The following SCARA5 variants were observed in gnomAD, a reference collection of about 807,000 sequenced individuals.
SCARA5 encodes scavenger receptor class A member 5.
Under a neutral mutation model 46.3 loss-of-function variants are expected in SCARA5, and 45 were observed. The observed-to-expected ratio is 0.97, with a 90% CI of 0.76 to 1.24. SCARA5 has a LOEUF of 1.24. Ranked by LOEUF, SCARA5 falls within the 50% of genes most tolerant of loss-of-function variation. The probability of loss-of-function intolerance (pLI) is 0.00; values close to 1 mark genes in which losing one functional copy is unlikely to be tolerated. For synonymous variants in SCARA5, 333 were observed against 306.5 expected, an observed-to-expected ratio of 1.09 and a Z score of -0.90; for missense variants, 680 against 689.0, an observed-to-expected ratio of 0.99 and a Z score of 0.15.
At chr8:27,892,628 G>A (rs1485526952) in intron 7 of SCARA5, among the ~76,000 whole-genome samples, 3 of 35,262 alleles carry the variant, frequency 8.5e-5, no homozygotes, top group Non-Finnish European at 1.8e-4. Context: ...TTTTTTTTTT[G>A]AGACGGAGTC....
At chr8:27,933,885 A>T (rs542517367) in intron 3 of SCARA5, among the ~76,000 whole-genome samples, 1 of 152,306 alleles carries the variant, frequency 6.6e-6, no homozygotes, top group East Asian at 1.9e-4. Flanking sequence ...AATGCTTATG[A>T]AATAGTAAGT....
intron 3 of SCARA5, among the ~76,000 whole-genome samples, chr8:27,965,851 G>A (rs1808360862): frequency 6.6e-6 from 1 of 152,214 alleles, no homozygotes; most frequent in African/African-American, 2.4e-5. Flanking sequence ...ACAGGCTCCT[G>A]TTCCATCCCT....
At position 27,885,195 on chromosome 8, in the gene SCARA5, G is replaced by A. The variant is rs1407046279; in HGVS notation, c.1154-5429C>T. Among the ~76,000 whole-genome samples, 27 of 152,318 alleles carry A rather than the reference G, an allele frequency of 1.8e-4. 2 individuals carry two copies. The highest frequency in any genetic ancestry group is 1.6e-3 in the Admixed American group (24 of 15,304). On this transcript the variant is annotated intron_variant, in intron 7 of 8. Transcript: ENST00000354914. ...GAACAAGGAAGAGGGTGGGGAGTGA[G>A]AGCAGGTGCCATTTTGGACGAGTAG...
chr8:27,874,434 G>A (rs1806691278), intron 8 of SCARA5, among the ~76,000 whole-genome samples: 1 of 152,224 alleles, frequency 6.6e-6, no homozygotes, highest in Non-Finnish European at 1.5e-5. Context: ...CACTCAGCCA[G>A]AGGACGGCAA....
intron 3 of SCARA5, among the ~76,000 whole-genome samples, chr8:27,947,832 G>A (rs528560336): frequency 1.0e-3 from 159 of 152,074 alleles, no homozygotes; most frequent in Middle Eastern, 3.2e-3. Flanking sequence ...CTGAGATCAC[G>A]CCACTGTACT....
chr8:27,889,875 T>G (rs927858953), intron 7 of SCARA5, among the ~76,000 whole-genome samples: 1 of 152,220 alleles, frequency 6.6e-6, no homozygotes, highest in African/African-American at 2.4e-5. Context: ...TAATATTTGT[T>G]GAAGTCCGGG....
intron 1 of SCARA5, among the ~76,000 whole-genome samples, chr8:27,989,363 A>C (rs1808754074): frequency 6.6e-6 from 1 of 151,940 alleles, no homozygotes; most frequent in Non-Finnish European, 1.5e-5. Flanking sequence ...CCTGGAGTCA[A>C]GCGCTCCACT....
chr8:27,896,476 C>G (rs1405220644), intron 7 of SCARA5, among the ~76,000 whole-genome samples: 1 of 152,022 alleles, frequency 6.6e-6, no homozygotes, highest in East Asian at 1.9e-4. Flanking sequence ...ACTCTAGGAC[C>G]TTGGGTGAGG....
chr8:27,936,836 G>A (rs1310463416), intron 3 of SCARA5, among the ~76,000 whole-genome samples: 4 of 152,140 alleles, frequency 2.6e-5, no homozygotes, highest in Non-Finnish European at 1.5e-5. Context: ...TTATTACTGT[G>A]CCCAGAGGCG....
chr8:27,879,623 T>G lies in SCARA5; in HGVS notation c.1297A>C (p.Met433Leu). Residue 433 changes from methionine (M) to leucine (L), a missense_variant, in exon 8 of 9, where the codon ATG (methionine) becomes CTG (leucine). Transcript: ENST00000354914. ...DKKDGDVVCR[M>L]LGFRGVEEVY... ...TCCTCCACACCGCGGAAGCCGAGCATGCGGCACACCACGTCTCCGTCCTTC... is the reference window on the plus strand; with the variant it reads ...TCCTCCACACCGCGGAAGCCGAGCAGGCGGCACACCACGTCTCCGTCCTTC... The G allele has an allele frequency of 6.2e-7, 1 of 1,611,934 alleles. No individual in the cohort carries two copies. The highest frequency in any genetic ancestry group is 8.5e-7 in the Non-Finnish European group (1 of 1,179,998).
Position 27,921,987 on chromosome 8 carries a change from A to G in SCARA5, c.500T>C (p.Val167Ala). The change falls in exon 4 of 9, where the codon GTG (valine) becomes GCG (alanine). Residue 167 changes from valine (V) to alanine (A), a missense_variant. By Grantham distance (64) the Val-to-Ala change is moderately conservative (BLOSUM62 0). Around this residue, in one of 3 missense-constraint regions of SCARA5, gnomAD observed 438 missense variants for 384.5 expected, o/e 1.14. Transcript: ENST00000354914. ...GCCCGTGCGGTCCCGCAGCAGGGCC[A>G]CCGCCTGCTCGGTCTGCACCGCCTG... Reference protein sequence around the residue: ...QAQAVQTEQAVALLRDRTGQQ... With the variant: ...QAQAVQTEQAAALLRDRTGQQ... The G allele has an allele frequency of 1.3e-6, 2 of 1,548,636 alleles. No homozygotes were observed. Among genetic ancestry groups the G allele is most frequent in the East Asian group, 2.4e-5 (1 of 42,414 alleles).
chr8:27,961,079 T>C (rs1429758316), intron 3 of SCARA5, among the ~76,000 whole-genome samples: 1 of 152,208 alleles, frequency 6.6e-6, no homozygotes, highest in Non-Finnish European at 1.5e-5. Flanking sequence ...TCAAGGTTAA[T>C]TGACTGCAAA....
At position 27,874,382 on chromosome 8, in the gene SCARA5, A is replaced by G. The variant is rs1585456011; in HGVS notation, c.1352-2312T>C. Among the ~76,000 whole-genome samples, 8 of 152,366 alleles carry G rather than the reference A, an allele frequency of 5.3e-5. No individual in the cohort carries two copies. The South Asian group carries it at 1.7e-3, about 32-fold the overall frequency. ...CCCTGGCCTCTCATGTTCGGCCAGT[A>G]CAGTCTTTTCTCCTCACACAGCCAC... is the stretch of plus-strand genomic sequence containing the variant. On this transcript the variant is annotated intron_variant, in intron 8 of 8. Coordinates refer to ENST00000354914, the MANE Select transcript of SCARA5 (RefSeq NM_173833.6).
chr8:27,914,781 A>C (rs1807434536), intron 4 of SCARA5, among the ~76,000 whole-genome samples: 2 of 151,916 alleles, frequency 1.3e-5, no homozygotes, highest in Admixed American at 6.6e-5. Flanking sequence ...CATCTAGCCC[A>C]CTCCCCTCAT....
At chr8:27,917,417 G>T (rs1198511305) in intron 4 of SCARA5, among the ~76,000 whole-genome samples, 1 of 152,124 alleles carries the variant, frequency 6.6e-6, no homozygotes, top group Non-Finnish European at 1.5e-5. Flanking sequence ...GGTCTGAGAG[G>T]GTACATTAGC....
intron 7 of SCARA5, among the ~76,000 whole-genome samples, chr8:27,891,828 C>T (rs548361992): frequency 2.0e-5 from 3 of 152,224 alleles, no homozygotes; most frequent in Non-Finnish European, 2.9e-5. Context: ...CTGTACACAT[C>T]GAGGTGGCAT....
In SCARA5 at chr8:27,951,765, G is replaced by A. The variant is rs370915103; in HGVS notation, c.241+14649C>T. Among the ~76,000 whole-genome samples the A allele has an allele frequency of 5.4e-4, 83 of 152,340 alleles. 1 individual carries two copies. Among genetic ancestry groups the A allele is most frequent in the African/African-American group, 1.8e-3 (74 of 41,572 alleles). On this transcript the variant is annotated intron_variant, in intron 3 of 8. Coordinates refer to ENST00000354914, the MANE Select transcript of SCARA5 (RefSeq NM_173833.6). ...TCCCTGAGACAAGGCTGGAGAAGAG[G>A]AGGTCCGGAATCCCTTCTTCCTTTC...
intron 3 of SCARA5, among the ~76,000 whole-genome samples, chr8:27,965,742 G>A (rs1808359142): frequency 6.6e-6 from 1 of 152,228 alleles, no homozygotes; most frequent in African/African-American, 2.4e-5. Context: ...TCCTTTCAAA[G>A]GGAGTCAGGA....
Position 27,871,451 on chromosome 8 carries a change from C to A in SCARA5, c.*483G>T. 1 of 988,952 alleles carries A rather than the reference C, an allele frequency of 1.0e-6. No individual in the cohort carries two copies. The allele number at this position is 988,952 out of a possible 1,614,324, so 61.3% of individuals were successfully genotyped here. The stretch of plus-strand genomic sequence containing the variant: ...AGAGGCAGAGTAAAGGGGGGAAATT[C>A]ATCACTTGACGTTGCCTCTTGCTGG... On this transcript the variant is annotated 3_prime_UTR_variant, in exon 9 of 9. Coordinates refer to ENST00000354914, the MANE Select transcript of SCARA5 (RefSeq NM_173833.6).
Sources: allele counts gnomAD v4.1 joint callset (sites outside exome capture counted in the v4.1 genomes callset), GRCh38; gene constraint gnomAD v4.1.1; regional missense constraint gnomAD v4.1.1; transcripts MANE v1.5; gene names NCBI Gene and HGNC (gene_info 2026-07-23, HGNC 2026-07-21).